Variants in HIP1 observed in about 807,000 individuals in gnomAD.
The protein encoded by HIP1 is huntingtin-interacting protein 1.
Under a neutral mutation model 147.6 loss-of-function variants are expected in HIP1, and 65 were observed. That is an observed-to-expected ratio of 0.44 (90% confidence interval 0.36 to 0.54). HIP1 has a LOEUF of 0.54. Among genes scored for constraint, HIP1 ranks in the 20% least tolerant of loss-of-function variants. The pLI is 0.00. For synonymous variants in HIP1, 479 were observed against 504.0 expected, an observed-to-expected ratio of 0.95 and a Z score of 0.67; for missense variants, 1,061 against 1,299.6, an observed-to-expected ratio of 0.82 and a Z score of 2.82.
chr7:75,655,260 T>C (rs1008672583), intron 1 of HIP1, among the ~76,000 whole-genome samples: 1 of 151,950 alleles, frequency 6.6e-6, no homozygotes, highest in African/African-American at 2.4e-5. Context: ...CGGCTGAATT[T>C]TGAAAACATT....
chr7:75,595,251 TCTTCCTTCCTTC>T (rs1554501696), intron 2 of HIP1, among the ~76,000 whole-genome samples: 32 of 59,538 alleles, frequency 5.4e-4, no homozygotes, highest in Middle Eastern at 6.3e-3. Flanking sequence ...TTTCTTTCTT[TCTTCCTTCCTTC>T]CTTCCTTCCT....
intron 1 of HIP1, among the ~76,000 whole-genome samples, chr7:75,640,789 T>A (rs1289664373): frequency 6.8e-6 from 1 of 146,166 alleles, no homozygotes; most frequent in African/African-American, 2.5e-5. Context: ...TAATAATAAA[T>A]AATGAACAGG....
chr7:75,685,882 G>T (rs1554517549), intron 1 of HIP1, among the ~76,000 whole-genome samples: 3 of 150,780 alleles, frequency 2.0e-5, no homozygotes, highest in African/African-American at 7.3e-5. Flanking sequence ...AGCTTATTCT[G>T]CCTGTGGCCT....
intron 2 of HIP1, among the ~76,000 whole-genome samples, chr7:75,595,228 CTTTCTTTCTTTCTTT>C (rs1563230102): frequency 9.4e-6 from 1 of 105,932 alleles, no homozygotes; most frequent in East Asian, 2.5e-4. Flanking sequence ...TTCTTTCTTT[CTTTCTTTCTTTCTTT>C]CTTTCTTTCT....
chr7:75,696,208 G>A (rs1460777969), intron 1 of HIP1, among the ~76,000 whole-genome samples: 2 of 151,160 alleles, frequency 1.3e-5, no homozygotes, highest in Admixed American at 6.6e-5. Flanking sequence ...GGCTGGTCTC[G>A]AACTCCTGGG....
intron 7 of HIP1, among the ~76,000 whole-genome samples, chr7:75,577,728 G>A (rs1028829141): frequency 2.0e-5 from 3 of 152,162 alleles, no homozygotes; most frequent in Non-Finnish European, 4.4e-5. Flanking sequence ...GGCTGGGCAC[G>A]GTGGCTCATG....
chr7:75,540,680 C>G (rs1410143773), intron 29 of HIP1, among the ~76,000 whole-genome samples: 2 of 151,880 alleles, frequency 1.3e-5, no homozygotes, highest in African/African-American at 4.8e-5. Flanking sequence ...GAAATTCACC[C>G]CAAGACTGAT....
chr7:75,629,565 T>C (rs1331790966), intron 1 of HIP1, among the ~76,000 whole-genome samples: 1 of 150,890 alleles, frequency 6.6e-6, no homozygotes, highest in Non-Finnish European at 1.5e-5. Context: ...TTTTTTGAGA[T>C]GGAGTCTTGC....
chr7:75,649,653 C>T (rs1255960965), intron 1 of HIP1, among the ~76,000 whole-genome samples: 1 of 152,144 alleles, frequency 6.6e-6, no homozygotes, highest in Non-Finnish European at 1.5e-5. Context: ...AACTTTAAAC[C>T]TCCCCCAGGA....
In HIP1 at chr7:75,571,998, C is replaced by T. The variant is rs587757002; in HGVS notation, c.745+1763G>A. Among the ~76,000 whole-genome samples, 15 of 152,138 alleles carry T rather than the reference C, an allele frequency of 9.9e-5. No individual in the cohort carries two copies. In the East Asian group the frequency reaches 1.9e-3, roughly 20 times the overall value. On this transcript the variant is annotated intron_variant, in intron 8 of 30. Transcript: ENST00000336926. ...GCTGAGGTGGGCGGATCACTTGAGG[C>T]CAGGAGTTCGAGACCAGCCTGGCCA...
At chr7:75,718,865 C>T (rs1295993015) in intron 1 of HIP1, among the ~76,000 whole-genome samples, 1 of 152,160 alleles carries the variant, frequency 6.6e-6, no homozygotes, top group Non-Finnish European at 1.5e-5. Flanking sequence ...GCTCGCCACT[C>T]TCCAAAACTA....
At chr7:75,599,268 A>T in intron 1 of HIP1, 21 bp from the exon 2 acceptor site, 2 of 1,582,474 alleles carry the variant, frequency 1.3e-6, no homozygotes, top group Non-Finnish European at 1.7e-6. Flanking sequence ...AGAAGGGGGG[A>T]GGGAAAGGAG....
At chr7:75,689,719 G>A (rs117605738) in intron 1 of HIP1, among the ~76,000 whole-genome samples, 1,830 of 152,218 alleles carry the variant, frequency 0.012, 17 homozygotes, top group Non-Finnish European at 0.02. Context: ...CAAATCCAGG[G>A]GGAGGGCTAT....
intron 8 of HIP1, among the ~76,000 whole-genome samples, chr7:75,571,545 C>T (rs587699475): frequency 7.2e-5 from 11 of 152,208 alleles, no homozygotes; most frequent in East Asian, 5.8e-4. Context: ...TGTCAATAAC[C>T]GCAGTTACAG....
intron 1 of HIP1, among the ~76,000 whole-genome samples, chr7:75,659,654 G>GA (rs1235179333): frequency 4.7e-5 from 7 of 149,544 alleles, no homozygotes; most frequent in African/African-American, 7.4e-5. Context: ...ATTTCAAAGA[G>GA]AAAAAAAAAG....
At chr7:75,547,113 G>C in intron 24 of HIP1, 81 bp from the exon 25 acceptor site, 2 of 1,178,538 alleles carry the variant, frequency 1.7e-6, no homozygotes, top group Non-Finnish European at 2.5e-6. Context: ...CCCACTCCTA[G>C]CCAAAGGCAA....
intron 1 of HIP1, among the ~76,000 whole-genome samples, chr7:75,637,432 T>TAA (rs1302360899): frequency 6.6e-6 from 1 of 151,482 alleles, no homozygotes; most frequent in Non-Finnish European, 1.5e-5. Context: ...CTCAACCTCC[T>TAA]AATCATAGCC....
chr7:75,629,768 C>G (rs1665440177), intron 1 of HIP1, among the ~76,000 whole-genome samples: 1 of 152,062 alleles, frequency 6.6e-6, no homozygotes, highest in Non-Finnish European at 1.5e-5. Context: ...TCTCAAACTC[C>G]CGACCTCAGG....
At chr7:75,705,894 ATTTT>A (rs1287030422) in intron 1 of HIP1, among the ~76,000 whole-genome samples, 2 of 151,706 alleles carry the variant, frequency 1.3e-5, no homozygotes, top group African/African-American at 4.8e-5. Context: ...TATTTTATTT[ATTTT>A]ATTATTTTTT....
Sources: gnomAD v4.1 joint callset for allele counts (sites outside exome capture counted in the v4.1 genomes callset) on GRCh38, gnomAD v4.1.1 for gene constraint, MANE v1.5 for transcripts, NCBI Gene and HGNC (gene_info 2026-07-23, HGNC 2026-07-21) for gene names.